Variants in RYR3 observed in about 807,000 individuals in gnomAD.
RYR3 encodes the protein ryanodine receptor 3.
Under a neutral mutation model 584.3 loss-of-function variants are expected in RYR3, and 207 were observed. The ratio of observed to expected loss-of-function variants is 0.35; its 90% confidence interval spans 0.32 to 0.40. The LOEUF is 0.40. Among genes scored for constraint, RYR3 ranks in the 10% least tolerant of loss-of-function variants. RYR3 has a pLI of 1.00. For synonymous variants in RYR3, 2,416 were observed against 2,248.5 expected (o/e 1.07, Z -2.11); for missense variants, 5,616 against 6,089.2 (o/e 0.92, Z 2.59).
chr15:33,743,700 G>C (rs1374766125), intron 52 of RYR3, among the ~76,000 whole-genome samples: 2 of 152,164 alleles, frequency 1.3e-5, no homozygotes, highest in African/African-American at 4.8e-5. Flanking sequence ...TCTTATATCT[G>C]TATATTTGTC....
At chr15:33,701,799 A>T (rs1188521701) in intron 42 of RYR3, among the ~76,000 whole-genome samples, 1 of 152,128 alleles carries the variant, frequency 6.6e-6, no homozygotes, top group African/African-American at 2.4e-5. Flanking sequence ...TTGAGGGATG[A>T]GTAGAAGCTG....
intron 78 of RYR3, 36 bp from the exon 79 acceptor site, chr15:33,821,234 G>T: frequency 6.6e-7 from 1 of 1,511,948 alleles, no homozygotes; most frequent in South Asian, 1.2e-5. Flanking sequence ...TGCTGGGTAG[G>T]AACCAATCTT....
intron 2 of RYR3, among the ~76,000 whole-genome samples, chr15:33,496,115 T>G (rs2051395919): frequency 6.6e-6 from 1 of 152,232 alleles, no homozygotes; most frequent in Admixed American, 6.5e-5. Context: ...GATAGTGGTT[T>G]TCTGCCTAGG....
chr15:33,527,929 G>A (rs1260385647), intron 3 of RYR3, among the ~76,000 whole-genome samples: 1 of 152,114 alleles, frequency 6.6e-6, no homozygotes, highest in African/African-American at 2.4e-5. Flanking sequence ...CTGAGTAGTG[G>A]GATACAGAGT....
rs533989719 is a variant in RYR3 at position 33,608,052 on chromosome 15, C to T, written c.2164+4688C>T. Reference sequence around the variant, plus strand: ...GGTTCCAGAAACCCCTTGACCACTACGATAAACTGCCTCTTAAGTGGTACA... The same window carrying T: ...GGTTCCAGAAACCCCTTGACCACTATGATAAACTGCCTCTTAAGTGGTACA... On this transcript the variant is annotated intron_variant, in intron 18 of 103. Coordinates refer to ENST00000634891, the MANE Select transcript of RYR3 (RefSeq NM_001036.6). Among the ~76,000 whole-genome samples, 13 of 152,318 alleles carry T rather than the reference C, an allele frequency of 8.5e-5. No homozygotes were observed. The East Asian group carries it at 2.1e-3, about 25-fold the overall frequency.
At chr15:33,492,111 G>T (rs745489991) in intron 2 of RYR3, among the ~76,000 whole-genome samples, 13 of 152,176 alleles carry the variant, frequency 8.5e-5, no homozygotes, top group Non-Finnish European at 1.2e-4. Flanking sequence ...TGCAGGATCT[G>T]ACTGGCAGTG....
chr15:33,803,526 T>A (rs183709288), intron 69 of RYR3, among the ~76,000 whole-genome samples: 1,722 of 152,232 alleles, frequency 0.011, 33 homozygotes, highest in African/African-American at 0.039. Flanking sequence ...CTTTTTTTTT[T>A]AATTTTTTGA....
chr15:33,432,587 ATTTTTCTT>A (rs1446800008), intron 1 of RYR3, among the ~76,000 whole-genome samples: 2 of 143,980 alleles, frequency 1.4e-5, no homozygotes, highest in African/African-American at 2.6e-5. Context: ...AGATGTGAAG[ATTTTTCTT>A]TTTTTCTTTC....
chr15:33,429,107 G>A (rs939164097), intron 1 of RYR3, among the ~76,000 whole-genome samples: 6 of 152,116 alleles, frequency 3.9e-5, no homozygotes, highest in Admixed American at 2.0e-4. Context: ...CGCATCCTTC[G>A]TCTTCTCATA....
intron 19 of RYR3, among the ~76,000 whole-genome samples, 175 bp from the exon 20 acceptor site, chr15:33,623,632 C>T (rs2060838870): frequency 6.6e-6 from 1 of 152,132 alleles, no homozygotes; most frequent in African/African-American, 2.4e-5. Flanking sequence ...CTCACTTACC[C>T]CTCTGCTGTT....
At position 33,831,048 on chromosome 15, in the gene RYR3, C is replaced by T. The variant is rs757214631; in HGVS notation, c.11420C>T (p.Ala3807Val). ...SGQHNFSKAL[A>V]VTKQIFNSLT... ...CAGCACAATTTTTCCAAAGCTCTGG[C>T]AGTCACCAAGCAGATTTTCAATTCT... is the stretch of plus-strand genomic sequence containing the variant. Residue 3807 changes from alanine to valine, a missense_variant, in exon 86 of 104, where the codon GCA becomes GTA. Physicochemically the swap from Ala to Val is moderately conservative, Grantham distance 64. This residue lies in a region of RYR3 where 954 missense variants were observed against 1,132.2 expected (regional missense o/e 0.84). Coordinates refer to ENST00000634891, the MANE Select transcript of RYR3 (RefSeq NM_001036.6). 1 of 1,613,662 alleles carries T rather than the reference C, an allele frequency of 6.2e-7. No homozygotes were observed. Among genetic ancestry groups the T allele is most frequent in the Non-Finnish European group, 8.5e-7 (1 of 1,179,744 alleles).
chr15:33,581,429 A>T (rs771810625), intron 13 of RYR3, 79 bp from the exon 14 acceptor site: 9 of 1,418,834 alleles, frequency 6.3e-6, no homozygotes, highest in African/African-American at 1.4e-5. Flanking sequence ...AAGGTGAATG[A>T]TACAGGAGGG....
rs2229117 is a variant in RYR3, at chr15:33,623,852, G to C, written c.2403G>C (p.Leu801=). ...GACGTCATGGAGAGTTTAAGTTCCT[G>C]CCTCCCTCTGGCTATGCCCCTTGCT... ...MGGRHGEFKF[L]PPSGYAPCYE... is the part of the protein sequence containing the mutation. Residue 801 remains leucine, a synonymous_variant, in exon 20 of 104, where the codon CTG becomes CTC. Transcript: ENST00000634891. 203,806 of 1,612,592 alleles carry C rather than the reference G, an allele frequency of 0.13. 13,775 individuals carry two copies. The highest frequency in any genetic ancestry group is 0.17 in the Admixed American group (10,220 of 59,996).
intron 80 of RYR3, among the ~76,000 whole-genome samples, chr15:33,822,341 G>T (rs17817650): frequency 0.18 from 27,884 of 152,128 alleles, 2,893 homozygotes; most frequent in East Asian, 0.24. Flanking sequence ...ATTCATAAGG[G>T]TTATATCCCA....
intron 73 of RYR3, 53 bp downstream of exon 73, chr15:33,813,047 C>G (rs1361387019): frequency 1.2e-6 from 2 of 1,605,900 alleles, no homozygotes; most frequent in African/African-American, 1.3e-5. Context: ...CTGGACCATA[C>G]AAAGCTCCCC....
At chr15:33,361,487 G>A (rs1442456311) in intron 1 of RYR3, among the ~76,000 whole-genome samples, 1 of 152,190 alleles carries the variant, frequency 6.6e-6, no homozygotes, top group Non-Finnish European at 1.5e-5. Flanking sequence ...AGAGAATGAG[G>A]AAGAGTGAAT....
At chr15:33,503,446 T>A (rs534212575) in intron 2 of RYR3, among the ~76,000 whole-genome samples, 185 bp from the exon 3 acceptor site, 2 of 152,304 alleles carry the variant, frequency 1.3e-5, no homozygotes, top group Admixed American at 1.3e-4. Context: ...ATGGGGCTTT[T>A]CTTACCATTC....
At chr15:33,371,372 A>G (rs1031459293) in intron 1 of RYR3, among the ~76,000 whole-genome samples, 2 of 152,192 alleles carry the variant, frequency 1.3e-5, no homozygotes, top group African/African-American at 4.8e-5. Context: ...GCAGGAGGGA[A>G]AAAGATGCAT....
chr15:33,690,929 G>T (rs566519407), intron 38 of RYR3, among the ~76,000 whole-genome samples: 1 of 152,120 alleles, frequency 6.6e-6, no homozygotes, highest in African/African-American at 2.4e-5. Context: ...AAAACAAAGT[G>T]ATATTTCTTT....
Sources: allele counts gnomAD v4.1 joint callset (sites outside exome capture counted in the v4.1 genomes callset), GRCh38; gene constraint gnomAD v4.1.1; regional missense constraint gnomAD v4.1.1; transcripts MANE v1.5; gene names NCBI Gene and HGNC (gene_info 2026-07-23, HGNC 2026-07-21).